The following PPM1B variants were observed in gnomAD, a reference collection of about 807,000 sequenced individuals.
The protein encoded by PPM1B is protein phosphatase 1B.
Under a neutral mutation model 43.0 loss-of-function variants are expected in PPM1B, and 22 were observed. The observed-to-expected ratio is 0.51, with a 90% CI of 0.37 to 0.73. PPM1B has a LOEUF of 0.73. PPM1B is among the 30% of genes least tolerant of loss of function. The pLI is 0.00. For synonymous variants in PPM1B, 217 were observed against 197.9 expected, an observed-to-expected ratio of 1.10 and a Z score of -0.81; for missense variants, 632 against 584.2, an observed-to-expected ratio of 1.08 and a Z score of -0.84.
chr2:44,225,771 C>T (rs1400208745), intron 5 of PPM1B, among the ~76,000 whole-genome samples: 1 of 152,078 alleles, frequency 6.6e-6, no homozygotes, highest in Non-Finnish European at 1.5e-5. Flanking sequence ...ATTCTCCTGC[C>T]TCACCCTCCC....
chr2:44,218,618 A>C (rs1669834927), intron 5 of PPM1B, 81 bp downstream of exon 5: 1 of 957,562 alleles, frequency 1.0e-6, no homozygotes, highest in African/African-American at 1.7e-5. Flanking sequence ...ACATTAACGA[A>C]GTCTATAATA....
intron 5 of PPM1B, among the ~76,000 whole-genome samples, chr2:44,239,791 C>T (rs1670705765): frequency 6.6e-6 from 1 of 152,096 alleles, no homozygotes; most frequent in Admixed American, 6.5e-5. Flanking sequence ...ATCCAGCTAG[C>T]TAATTGTGCC....
chr2:44,205,415 A>G (rs1246748384), intron 2 of PPM1B, among the ~76,000 whole-genome samples: 1 of 137,928 alleles, frequency 7.3e-6, no homozygotes, highest in Non-Finnish European at 1.5e-5. Context: ...ATGGTCTGAG[A>G]AATTTTTCCC....
At chr2:44,175,535 G>A (rs150782556) in intron 1 of PPM1B, among the ~76,000 whole-genome samples, 2 of 152,260 alleles carry the variant, frequency 1.3e-5, no homozygotes, top group Non-Finnish European at 2.9e-5. Context: ...TGTCGTTGAC[G>A]ATCTTGCATT....
At chr2:44,219,354 C>G (rs1199864886) in intron 5 of PPM1B, among the ~76,000 whole-genome samples, 4 of 151,904 alleles carry the variant, frequency 2.6e-5, no homozygotes, top group Non-Finnish European at 4.4e-5. Flanking sequence ...GAGGAAGAGT[C>G]CACCTCCAGT....
At chr2:44,244,966 T>C (rs533694571), downstream of PPM1B, among the ~76,000 whole-genome samples, 14 of 151,910 alleles carry the variant, frequency 9.2e-5, no homozygotes, top group East Asian at 1.6e-3. Flanking sequence ...TGAGACAGAA[T>C]TTTTCCTATA....
chr2:44,231,514 C>T (rs1230859734), downstream of PPM1B: 1 of 901,322 alleles, frequency 1.1e-6, no homozygotes, highest in African/African-American at 1.8e-5. Flanking sequence ...TTAAAAACAA[C>T]CAAGTTTGGT....
chr2:44,222,651 A>G (rs1256320568), intron 5 of PPM1B, among the ~76,000 whole-genome samples: 1 of 152,208 alleles, frequency 6.6e-6, no homozygotes, highest in African/African-American at 2.4e-5. Flanking sequence ...TGCACAGGTC[A>G]CAAAGCTAAA....
At chr2:44,186,404 T>C (rs962521683) in intron 1 of PPM1B, among the ~76,000 whole-genome samples, 3 of 152,224 alleles carry the variant, frequency 2.0e-5, no homozygotes, top group African/African-American at 7.2e-5. Flanking sequence ...GGTCTTGCTC[T>C]GTCATCGAGG....
At chr2:44,188,138 T>G (rs569137684) in intron 1 of PPM1B, among the ~76,000 whole-genome samples, 1 of 152,232 alleles carries the variant, frequency 6.6e-6, no homozygotes, top group South Asian at 2.1e-4. Flanking sequence ...AATTTTTGGG[T>G]TTTGTTTGTT....
At chr2:44,183,478 G>A (rs10495914) in intron 1 of PPM1B, among the ~76,000 whole-genome samples, 20,086 of 152,216 alleles carry the variant, frequency 0.13, 1,640 homozygotes, top group South Asian at 0.24. Flanking sequence ...AGTACAGCTG[G>A]ATACTGGGAT....
At chr2:44,176,557 G>A (rs1190590276) in intron 1 of PPM1B, among the ~76,000 whole-genome samples, 2 of 152,166 alleles carry the variant, frequency 1.3e-5, no homozygotes, top group African/African-American at 2.4e-5. Flanking sequence ...TGTGAGATGG[G>A]CGTATTGCAC....
At chr2:44,175,329 G>T (rs913036296) in intron 1 of PPM1B, among the ~76,000 whole-genome samples, 1 of 152,132 alleles carries the variant, frequency 6.6e-6, no homozygotes, top group African/African-American at 2.4e-5. Context: ...AGGAGATTTT[G>T]TTGAGCTTTG....
chr2:44,201,931 G>C lies in PPM1B; in HGVS notation c.732G>C (p.Gly244=). Residue 244 remains glycine, a synonymous_variant, in exon 2 of 6, where the codon GGG becomes GGC. Transcript: ENST00000282412. The surrounding 1 kb of genome is among the most constrained non-coding windows in gnomAD (Gnocchi z 5.4). The part of the protein sequence containing the change: ...EDEFIILACD[G]IWDVMSNEEL... Reference sequence around the variant, plus strand: ...AATTTATCATCTTGGCTTGTGATGGGATCTGGGATGTTATGAGTAATGAGG... The same window carrying C: ...AATTTATCATCTTGGCTTGTGATGGCATCTGGGATGTTATGAGTAATGAGG... 2 of 1,614,130 alleles carry C rather than the reference G, an allele frequency of 1.2e-6. No homozygotes were observed. The highest frequency in any genetic ancestry group is 1.6e-4 in the Middle Eastern group (1 of 6,062).
downstream of PPM1B, chr2:44,234,726 T>G (rs1670566037): frequency 2.0e-6 from 1 of 502,636 alleles, no homozygotes; most frequent in Non-Finnish European, 2.6e-6. Context: ...CCAGTGAACT[T>G]TTGCTTTTGT....
At chr2:44,221,375 A>G (rs1023298277) in intron 5 of PPM1B, among the ~76,000 whole-genome samples, 3 of 152,176 alleles carry the variant, frequency 2.0e-5, no homozygotes, top group Non-Finnish European at 2.9e-5. Context: ...AGAAGGAGAG[A>G]GAATGAAGAA....
At chr2:44,218,217 C>G (rs878883622) in intron 4 of PPM1B, 139 bp downstream of exon 4, 7 of 709,400 alleles carry the variant, frequency 9.9e-6, no homozygotes, top group South Asian at 9.3e-5. Context: ...GAGAAGAACT[C>G]TTAAAACTTC....
intron 1 of PPM1B, among the ~76,000 whole-genome samples, chr2:44,189,133 A>C (rs1422371906): frequency 2.0e-5 from 3 of 151,998 alleles, no homozygotes; most frequent in African/African-American, 7.2e-5. Context: ...CAGCCTCCCA[A>C]AGTGGTGGGA....
At chr2:44,193,989 C>T (rs1558401982) in intron 1 of PPM1B, among the ~76,000 whole-genome samples, 1 of 152,176 alleles carries the variant, frequency 6.6e-6, no homozygotes, top group Non-Finnish European at 1.5e-5. Flanking sequence ...CCTGGGGTTG[C>T]AGGCATGAAC....
Sources: allele counts gnomAD v4.1 joint callset (sites outside exome capture counted in the v4.1 genomes callset), GRCh38; gene constraint gnomAD v4.1.1; non-coding constraint Gnocchi (gnomAD v3.1); transcripts MANE v1.5; gene names NCBI Gene and HGNC (gene_info 2026-07-23, HGNC 2026-07-21).